EOGT: variants seen among roughly 807,000 people sequenced by gnomAD.
The protein encoded by EOGT is EGF domain specific O-linked N-acetylglucosamine transferase, also known as EGF domain-specific O-linked N-acetylglucosamine transferase.
EOGT carries 55 observed loss-of-function variants against 70.5 expected under a neutral mutation model. That is an observed-to-expected ratio of 0.78 (90% CI 0.63 to 0.98). EOGT has a LOEUF of 0.98. Ranked by LOEUF, EOGT falls within the 50% of genes least tolerant of loss-of-function variation. The pLI is 0.00. For missense variants in EOGT, 703 were observed against 641.9 expected, an observed-to-expected ratio of 1.10 and a Z score of -1.03; for synonymous variants, 246 against 217.1, an observed-to-expected ratio of 1.13 and a Z score of -1.17.
At chr3:68,978,477 G>C in intron 16 of EOGT, 42 bp from the exon 17 acceptor site, 1 of 1,400,198 alleles carries the variant, frequency 7.1e-7, no homozygotes, top group Non-Finnish European at 9.8e-7. Flanking sequence ...TTTTGTCCAA[G>C]GTTTTTTCCA....
chr3:68,979,629 A>C, intron 16 of EOGT, 39 bp downstream of exon 16: 1 of 1,605,326 alleles, frequency 6.2e-7, no homozygotes, highest in Non-Finnish European at 8.5e-7. Context: ...AAAAAGCATT[A>C]TCAGTTGCTT....
In EOGT at chr3:69,009,726, G is replaced by T. The variant is rs146049288; in HGVS notation, c.121C>A (p.Arg41Ser). The T allele has an allele frequency of 6.2e-7, 1 of 1,613,880 alleles. No individual in the cohort carries two copies. The highest frequency in any genetic ancestry group is 1.3e-5 in the African/African-American group (1 of 74,870). ...AAGGGAATGTGCTCCTCTGGCAAGC[G>T]GATGCTGGCATAGTTATACAGAGGT... ...GEPLYNYASIRLPEEHIPFFL... is the reference protein window; with the variant it reads ...GEPLYNYASISLPEEHIPFFL... The change falls in exon 4 of 18, where the codon CGC becomes AGC. Residue 41 changes from arginine to serine, a missense_variant. Transcript: ENST00000383701.
intron 6 of EOGT, among the ~76,000 whole-genome samples, chr3:69,007,238 A>T (rs963480592): frequency 6.6e-6 from 1 of 152,260 alleles, no homozygotes; most frequent in Non-Finnish European, 1.5e-5. Flanking sequence ...TGGGGAAGTT[A>T]CATAAAATTC....
chr3:69,003,618 T>C (rs574325984), intron 8 of EOGT, among the ~76,000 whole-genome samples: 18 of 152,252 alleles, frequency 1.2e-4, no homozygotes, highest in Non-Finnish European at 2.5e-4. Flanking sequence ...GTATAATACA[T>C]ACTATTTTTA....
chr3:69,003,825 C>T (rs2091365813), intron 8 of EOGT, among the ~76,000 whole-genome samples: 1 of 152,176 alleles, frequency 6.6e-6, no homozygotes, highest in African/African-American at 2.4e-5. Flanking sequence ...CACTTTTTCA[C>T]AATCCAAACT....
chr3:69,003,827 A>T (rs2091365937), intron 8 of EOGT, among the ~76,000 whole-genome samples: 1 of 152,178 alleles, frequency 6.6e-6, no homozygotes, highest in Non-Finnish European at 1.5e-5. Flanking sequence ...CTTTTTCACA[A>T]TCCAAACTGT....
chr3:68,986,592 C>T (rs966664192), intron 14 of EOGT, among the ~76,000 whole-genome samples: 3 of 152,212 alleles, frequency 2.0e-5, no homozygotes, highest in Non-Finnish European at 4.4e-5. Context: ...GCCCGAGAGG[C>T]TCTCTCCCTT....
chr3:68,982,847 G>C lies in EOGT; in HGVS notation c.1178C>G (p.Ser393Cys). The C allele has an allele frequency of 6.2e-7, 1 of 1,603,914 alleles. No homozygotes were observed. The highest frequency in any genetic ancestry group is 8.5e-7 in the Non-Finnish European group (1 of 1,175,242). Residue 393 changes from serine (S) to cysteine (C), a missense_variant, in exon 15 of 18, where the codon TCT (serine) becomes TGT (cysteine). Ser to Cys is a moderately radical substitution (Grantham distance 112). Coordinates refer to ENST00000383701, the MANE Select transcript of EOGT (RefSeq NM_001278689.2). Reference sequence around the variant, plus strand: ...ATCAACAATCTGGACTTCAAATGTAGATACTGTTTTCAGTGCATTTACAAG... The same window carrying C: ...ATCAACAATCTGGACTTCAAATGTACATACTGTTTTCAGTGCATTTACAAG... ...NELVNALKTV[S>C]TFEVQIVDYK...
chr3:68,991,886 A>G lies in EOGT; in HGVS notation c.832-2869T>C, dbSNP rs536481704. On this transcript the variant is annotated intron_variant, in intron 10 of 17. Transcript: ENST00000383701. ...AGGTGAAAGACACTTCTTACATGGCAGCGGCAAGAGAAAATGAGGAAGAAG... is the reference window on the plus strand; with the variant it reads ...AGGTGAAAGACACTTCTTACATGGCGGCGGCAAGAGAAAATGAGGAAGAAG... Among the ~76,000 whole-genome samples, 224 of 152,354 alleles carry G rather than the reference A, an allele frequency of 1.5e-3. 2 individuals carry two copies. Among genetic ancestry groups the G allele is most frequent in the African/African-American group, 5.0e-3 (208 of 41,580 alleles).
intron 10 of EOGT, among the ~76,000 whole-genome samples, chr3:68,997,530 G>T (rs2091184509): frequency 6.6e-6 from 1 of 152,168 alleles, no homozygotes. Flanking sequence ...CACCGTATCT[G>T]GCTAATTTTT....
chr3:69,006,927 G>A (rs2091450784), intron 6 of EOGT, among the ~76,000 whole-genome samples: 1 of 152,216 alleles, frequency 6.6e-6, no homozygotes, highest in Non-Finnish European at 1.5e-5. Context: ...TACTGATAAA[G>A]TGGCATCAGT....
At chr3:69,009,935 A>ACAAC (rs1391836412) in intron 3 of EOGT, 75 bp from the exon 4 acceptor site, 6 of 459,686 alleles carry the variant, frequency 1.3e-5, no homozygotes, top group South Asian at 8.5e-5. Flanking sequence ...AACAACAACA[A>ACAAC]AAAAAAAAAA....
Position 69,004,276 on chromosome 3 carries a change from C to G in EOGT, c.620+102G>C, listed in dbSNP as rs1255465994. On this transcript the variant is annotated intron_variant, in intron 8 of 17. Transcript: ENST00000383701. The stretch of plus-strand genomic sequence containing the variant: ...CCAGAAGCTCATGCCAAATTATGTA[C>G]AAATGAAGTAACATTTTCCATTTGA... 5 of 855,278 alleles carry G rather than the reference C, an allele frequency of 5.8e-6. No individual in the cohort carries two copies. The Admixed American group carries it at 7.2e-5, about 12-fold the overall frequency. 53.0% of individuals were successfully genotyped at this position (855,278 alleles called of 1,614,324 possible).
chr3:68,996,188 A>G (rs551743247), intron 10 of EOGT, among the ~76,000 whole-genome samples: 1 of 152,348 alleles, frequency 6.6e-6, no homozygotes, highest in South Asian at 2.1e-4. Context: ...GTAAATGCAT[A>G]TAGACGGAAA....
intron 10 of EOGT, among the ~76,000 whole-genome samples, chr3:68,994,800 A>T (rs1201904634): frequency 6.6e-6 from 1 of 152,170 alleles, no homozygotes; most frequent in Non-Finnish European, 1.5e-5. Context: ...AAAAACAAAC[A>T]GAAAAAAAGT....
At chr3:68,986,816 T>C (rs976681500) in intron 14 of EOGT, among the ~76,000 whole-genome samples, 2 of 152,222 alleles carry the variant, frequency 1.3e-5, no homozygotes, top group African/African-American at 4.8e-5. Context: ...ACCTTCCCCG[T>C]CTTTGCTCTA....
At position 68,977,366 on chromosome 3, in the gene EOGT, G is replaced by A; in HGVS notation, c.*252C>T. On this transcript the variant is annotated 3_prime_UTR_variant, in exon 18 of 18. Coordinates refer to ENST00000383701, the MANE Select transcript of EOGT (RefSeq NM_001278689.2). The stretch of plus-strand genomic sequence containing the variant: ...AGAAAGAAAGTTAAAGTATACTGGG[G>A]AGTCCATGCTTAATTTTTGAACTAT... 2.5e-6 allele frequency: 1 copy of A among 394,412 alleles called. No individual in the cohort carries two copies. Among genetic ancestry groups the A allele is most frequent in the Non-Finnish European group, 4.5e-6 (1 of 223,314 alleles). 24.4% of individuals were successfully genotyped at this position (394,412 alleles called of 1,614,324 possible). A position where few individuals can be genotyped will look rare whatever the true frequency, so the allele number is the denominator to read the frequency against.
Position 68,998,123 on chromosome 3 carries a change from G to C in EOGT, c.728-9C>G, listed in dbSNP as rs758372354. 6.9e-7 allele frequency: 1 copy of C among 1,456,876 alleles called. No individual in the cohort carries two copies. Among genetic ancestry groups the C allele is most frequent in the South Asian group, 1.2e-5 (1 of 83,360 alleles). 90.2% of individuals were successfully genotyped at this position (1,456,876 alleles called of 1,614,324 possible). On this transcript the variant is annotated splice_polypyrimidine_tract_variant and intron_variant, in intron 9 of 17. Transcript: ENST00000383701. Reference sequence around the variant, plus strand: ...GTGATACATGTTAACACCTAGTGTTGGAAAATGAAACTACATTAATTAACA... The same window carrying C: ...GTGATACATGTTAACACCTAGTGTTCGAAAATGAAACTACATTAATTAACA...
intron 9 of EOGT, among the ~76,000 whole-genome samples, chr3:68,998,840 A>T (rs2091224801): frequency 1.2e-5 from 1 of 81,436 alleles, no homozygotes; most frequent in Non-Finnish European, 2.4e-5. Context: ...CTGTCTAAAA[A>T]AAAAAAAAAA....
Sources: gnomAD v4.1 joint callset for allele counts (sites outside exome capture counted in the v4.1 genomes callset) on GRCh38, gnomAD v4.1.1 for gene constraint, MANE v1.5 for transcripts, NCBI Gene and HGNC (gene_info 2026-07-23, HGNC 2026-07-21) for gene names.